RSU1: variants seen among roughly 807,000 people sequenced by gnomAD.
RSU1 encodes the protein Ras suppressor protein 1.
A neutral mutation model predicts 31.1 loss-of-function variants in RSU1; 26 were observed. The ratio of observed to expected loss-of-function variants is 0.84; its 90% CI spans 0.61 to 1.16. The LOEUF (loss-of-function observed/expected upper bound fraction) is 1.16. Ranked by LOEUF, RSU1 falls within the 50% of genes most tolerant of loss-of-function variation. The pLI is 0.00. For synonymous variants in RSU1, 164 were observed against 136.3 expected (o/e 1.20, Z -1.41); for missense variants, 320 against 339.1 (o/e 0.94, Z 0.44).
intron 8 of RSU1, among the ~76,000 whole-genome samples, chr10:16,632,314 G>T (rs1008339640): frequency 2.6e-5 from 4 of 152,094 alleles, no homozygotes; most frequent in Admixed American, 2.6e-4. Flanking sequence ...TCTTAAACTG[G>T]ATGAATAAGC....
At chr10:16,766,608 G>A (rs1173245678) in intron 3 of RSU1, among the ~76,000 whole-genome samples, 18 of 152,072 alleles carry the variant, frequency 1.2e-4, no homozygotes, top group African/African-American at 2.7e-4. Flanking sequence ...CCAGCTACTC[G>A]GGAAGCTGAG....
chr10:16,686,635 T>G (rs1185229746), intron 8 of RSU1, among the ~76,000 whole-genome samples: 4 of 152,128 alleles, frequency 2.6e-5, no homozygotes, highest in Non-Finnish European at 5.9e-5. Flanking sequence ...ATGCTCCACT[T>G]TAGGAGCTGT....
Position 16,592,101 on chromosome 10 carries a change from G to C in RSU1, c.*1293C>G, listed in dbSNP as rs1397622712. ...TTTTTATATGCCCCAGTGGGTCCTGGTCTTGGGAGCTCAACTGGGAAGCCG... is the reference window on the plus strand; with the variant it reads ...TTTTTATATGCCCCAGTGGGTCCTGCTCTTGGGAGCTCAACTGGGAAGCCG... On this transcript the variant is annotated 3_prime_UTR_variant, in exon 9 of 9. Transcript: ENST00000345264. The C allele has an allele frequency of 1.3e-5, 2 of 151,678 alleles. No homozygotes were observed. Among genetic ancestry groups the C allele is most frequent in the African/African-American group, 4.9e-5 (2 of 41,004 alleles). 9.4% of individuals were successfully genotyped at this position (151,678 alleles called of 1,614,324 possible).
intron 4 of RSU1, among the ~76,000 whole-genome samples, chr10:16,759,604 G>A (rs1324182304): frequency 3.9e-5 from 6 of 152,184 alleles, no homozygotes; most frequent in Non-Finnish European, 7.3e-5. Flanking sequence ...AGCAACAAAC[G>A]AGGTCAAACG....
intron 8 of RSU1, among the ~76,000 whole-genome samples, chr10:16,613,371 T>C (rs1833925535): frequency 6.6e-6 from 1 of 152,180 alleles, no homozygotes; most frequent in Non-Finnish European, 1.5e-5. Flanking sequence ...TCAGTGGTCA[T>C]GACCAGCACA....
rs77849003 is a variant in RSU1 at position 16,812,973 on chromosome 10, T to C, written c.109+4000A>G. 7.3e-3 allele frequency among the ~76,000 whole-genome samples: 1,032 copies of C among 141,654 alleles called. 17 individuals carry two copies. The highest frequency in any genetic ancestry group is 0.026 in the African/African-American group (1,000 of 37,836). The allele number at this position is 141,654 out of a possible 152,430, so 92.9% of individuals were successfully genotyped here. A position where few individuals can be genotyped will look rare whatever the true frequency, so the allele number is the denominator to read the frequency against. ...AGAATAAAATCAGCAGCATTACGAT[T>C]ATGCTGGGAAGCTTTTTTTTTTTTT... On this transcript the variant is annotated intron_variant, in intron 2 of 8. Coordinates refer to ENST00000345264, the MANE Select transcript of RSU1 (RefSeq NM_012425.4).
At chr10:16,679,680 G>A (rs879730476) in intron 8 of RSU1, among the ~76,000 whole-genome samples, 1 of 152,138 alleles carries the variant, frequency 6.6e-6, no homozygotes, top group Non-Finnish European at 1.5e-5. Context: ...CTGCTGGGAT[G>A]TAACCCGGCC....
At chr10:16,653,089 A>G (rs985652661) in intron 8 of RSU1, among the ~76,000 whole-genome samples, 2 of 152,186 alleles carry the variant, frequency 1.3e-5, no homozygotes, top group African/African-American at 4.8e-5. Flanking sequence ...ACAAACCACT[A>G]AACTTTGCAT....
intron 8 of RSU1, among the ~76,000 whole-genome samples, chr10:16,686,061 A>G (rs1405431078): frequency 1.3e-5 from 2 of 152,190 alleles, no homozygotes; most frequent in Non-Finnish European, 1.5e-5. Flanking sequence ...CTTTCATAGC[A>G]TTTTGCATTT....
intron 2 of RSU1, among the ~76,000 whole-genome samples, chr10:16,789,301 A>G (rs1444189134): frequency 1.3e-5 from 2 of 152,254 alleles, no homozygotes; most frequent in Non-Finnish European, 2.9e-5. Flanking sequence ...CACTCTTGCC[A>G]CAGGACCACA....
In RSU1 at chr10:16,703,268, G is replaced by C. The variant is rs941364443; in HGVS notation, c.599-8113C>G. The stretch of plus-strand genomic sequence containing the variant: ...CTAAGGCATTTCTTTATAGCAGTGC[G>C]AGAACAGACTAATACAGCAGCGTTG... On this transcript the variant is annotated intron_variant, in intron 7 of 8. Coordinates refer to ENST00000345264, the MANE Select transcript of RSU1 (RefSeq NM_012425.4). Among the ~76,000 whole-genome samples the C allele has an allele frequency of 6.6e-5, 10 of 152,126 alleles. No individual in the cohort carries two copies. In the East Asian group the frequency reaches 1.9e-3, roughly 29 times the overall value.
intron 8 of RSU1, among the ~76,000 whole-genome samples, chr10:16,670,758 T>C (rs903449912): frequency 1.3e-5 from 2 of 152,098 alleles, no homozygotes; most frequent in African/African-American, 4.8e-5. Context: ...GCACCATGGA[T>C]AGCGCCACAG....
intron 8 of RSU1, among the ~76,000 whole-genome samples, chr10:16,627,409 T>C (rs1834177173): frequency 6.6e-6 from 1 of 152,208 alleles, no homozygotes; most frequent in Non-Finnish European, 1.5e-5. Context: ...ATGTTTGTAA[T>C]GAAGGATCTG....
chr10:16,593,194 A>C lies in RSU1; in HGVS notation c.*200T>G. The C allele has an allele frequency of 1.0e-6, 1 of 962,008 alleles. No individual in the cohort carries two copies. Among genetic ancestry groups the C allele is most frequent in the East Asian group, 2.9e-5 (1 of 34,428 alleles). 59.6% of individuals were successfully genotyped at this position (962,008 alleles called of 1,614,324 possible). ...TGGTAATGTTAAAGAAACAAATGGA[A>C]ATGGTTTAAAGACCTTATAACAATC... On this transcript the variant is annotated 3_prime_UTR_variant, in exon 9 of 9. Transcript: ENST00000345264.
chr10:16,719,014 G>A (rs888800110), intron 7 of RSU1, among the ~76,000 whole-genome samples: 7 of 151,796 alleles, frequency 4.6e-5, no homozygotes, highest in African/African-American at 1.7e-4. Flanking sequence ...TGTTGGCTGG[G>A]CGTAAGGCTC....
chr10:16,783,693 C>A (rs1837708461), intron 2 of RSU1, among the ~76,000 whole-genome samples: 1 of 151,434 alleles, frequency 6.6e-6, no homozygotes, highest in Non-Finnish European at 1.5e-5. Context: ...TTTTTTCAAA[C>A]CATTGCAAAC....
intron 7 of RSU1, among the ~76,000 whole-genome samples, chr10:16,703,394 G>A (rs1835835379): frequency 1.3e-5 from 2 of 152,170 alleles, no homozygotes; most frequent in Admixed American, 1.3e-4. Flanking sequence ...TCTATTAAGA[G>A]TTGTAAAAAT....
intron 8 of RSU1, among the ~76,000 whole-genome samples, chr10:16,645,226 C>T (rs1834515827): frequency 6.6e-6 from 1 of 152,166 alleles, no homozygotes; most frequent in Admixed American, 6.5e-5. Flanking sequence ...GTCACTTCTA[C>T]TCTCATCTTT....
At chr10:16,673,600 C>T (rs1051706497) in intron 8 of RSU1, among the ~76,000 whole-genome samples, 17 of 152,204 alleles carry the variant, frequency 1.1e-4, no homozygotes, top group African/African-American at 1.9e-4. Context: ...TCTTGAAGCA[C>T]GTGATCATGC....
Sources: gnomAD v4.1 joint callset for allele counts (sites outside exome capture counted in the v4.1 genomes callset) on GRCh38, gnomAD v4.1.1 for gene constraint, MANE v1.5 for transcripts, NCBI Gene and HGNC (gene_info 2026-07-23, HGNC 2026-07-21) for gene names.